SSBP3: variants seen among roughly 807,000 people sequenced by gnomAD.
SSBP3 encodes single stranded DNA binding protein 3.
SSBP3 carries 5 observed loss-of-function variants against 69.6 expected under a neutral mutation model. The ratio of observed to expected loss-of-function variants is 0.07; its 90% CI spans 0.04 to 0.15. The LOEUF is 0.15. Among genes scored for constraint, SSBP3 ranks in the 10% least tolerant of loss-of-function variants. The pLI, the probability that SSBP3 is intolerant of heterozygous loss-of-function variation, is 1.00. For synonymous variants in SSBP3, 196 were observed against 193.4 expected (o/e 1.01, Z -0.11); for missense variants, 312 against 534.0 (o/e 0.58, Z 4.10).
intron 4 of SSBP3, among the ~76,000 whole-genome samples, chr1:54,329,481 T>C (rs1646369226): frequency 6.6e-6 from 1 of 152,124 alleles, no homozygotes; most frequent in South Asian, 2.1e-4. Flanking sequence ...ACTGATTGTG[T>C]ACTGGGAGGA....
chr1:54,383,087 GC>G (rs1181650139), intron 4 of SSBP3, among the ~76,000 whole-genome samples: 3 of 151,424 alleles, frequency 2.0e-5, no homozygotes, highest in African/African-American at 7.3e-5. Context: ...AAAGAAAGAA[GC>G]CCCAGCTGGG....
intron 5 of SSBP3, among the ~76,000 whole-genome samples, chr1:54,280,929 G>A (rs1191858596): frequency 6.6e-6 from 1 of 152,152 alleles, no homozygotes; most frequent in Non-Finnish European, 1.5e-5. Flanking sequence ...AAAAAATCAA[G>A]TGGTTAACCA....
intron 4 of SSBP3, among the ~76,000 whole-genome samples, chr1:54,346,118 G>A (rs930702285): frequency 1.3e-5 from 2 of 151,672 alleles, no homozygotes; most frequent in African/African-American, 4.8e-5. Context: ...AGCTGAGATC[G>A]TGCCATTGCA....
intron 4 of SSBP3, among the ~76,000 whole-genome samples, chr1:54,281,744 T>G (rs1645396012): frequency 6.6e-6 from 1 of 152,116 alleles, no homozygotes; most frequent in African/African-American, 2.4e-5. Flanking sequence ...CTGGACTCAA[T>G]TCCCAGGTCC....
chr1:54,259,151 C>A (rs1644974612), intron 5 of SSBP3, among the ~76,000 whole-genome samples: 1 of 151,428 alleles, frequency 6.6e-6, no homozygotes, highest in South Asian at 2.1e-4. Flanking sequence ...CTGGGCTATG[C>A]TGACCTCGAC....
intron 4 of SSBP3, among the ~76,000 whole-genome samples, chr1:54,328,359 G>A (rs1391583465): frequency 6.6e-6 from 1 of 152,192 alleles, no homozygotes; most frequent in Non-Finnish European, 1.5e-5. Context: ...GTGACCAAAA[G>A]CTTCTGGTCA....
chr1:54,275,728 T>C (rs1263307320), intron 5 of SSBP3, among the ~76,000 whole-genome samples: 1 of 152,198 alleles, frequency 6.6e-6, no homozygotes, highest in African/African-American at 2.4e-5. Context: ...ATACAATGAT[T>C]CAAATTGGCT....
At chr1:54,234,364 AT>A (rs1241510495) in intron 14 of SSBP3, among the ~76,000 whole-genome samples, 2 of 151,316 alleles carry the variant, frequency 1.3e-5, no homozygotes, top group African/African-American at 4.8e-5. Context: ...ATTAAAAAAA[AT>A]AAATAAAAAT....
At chr1:54,374,386 T>C (rs1023477337) in intron 4 of SSBP3, among the ~76,000 whole-genome samples, 1 of 152,178 alleles carries the variant, frequency 6.6e-6, no homozygotes, top group African/African-American at 2.4e-5. Flanking sequence ...ACCTTTGTCA[T>C]TAATCTCTTC....
At chr1:54,230,409 T>G (rs1026401166) in intron 14 of SSBP3, among the ~76,000 whole-genome samples, 1 of 152,234 alleles carries the variant, frequency 6.6e-6, no homozygotes, top group Non-Finnish European at 1.5e-5. Context: ...TATGCACATG[T>G]ATGTCATTAC....
intron 4 of SSBP3, among the ~76,000 whole-genome samples, chr1:54,305,905 TATCTGC>T (rs1454208252): frequency 6.6e-6 from 1 of 150,462 alleles, no homozygotes; most frequent in Non-Finnish European, 1.5e-5. Context: ...CAGTCACTCT[TATCTGC>T]AAGCTGTTTC....
At chr1:54,243,408 G>T in intron 9 of SSBP3, 109 bp from the exon 10 acceptor site, 2 of 1,329,308 alleles carry the variant, frequency 1.5e-6, no homozygotes, top group Non-Finnish European at 2.2e-6. Flanking sequence ...CTGTGAAAAG[G>T]ATTGATGAGA....
rs946394599 is a variant in SSBP3, at chr1:54,315,828, AT to A, written c.277-34302del. On this transcript the variant is annotated intron_variant, in intron 4 of 17. Transcript: ENST00000610401. The stretch of plus-strand genomic sequence containing the variant: ...AGGCTCACGCTACTATGCCCAGCTG[AT>A]TTTTTTTTCTTTGGTAGAGACAGGG... 1.6e-3 allele frequency among the ~76,000 whole-genome samples: 248 copies of A among 150,952 alleles called. 1 individual carries two copies. Among genetic ancestry groups the A allele is most frequent in the African/African-American group, 5.4e-3 (221 of 41,142 alleles).
intron 4 of SSBP3, among the ~76,000 whole-genome samples, chr1:54,337,550 T>G (rs545285456): frequency 1.3e-3 from 171 of 128,416 alleles, no homozygotes; most frequent in African/African-American, 5.0e-3. Flanking sequence ...CAGGCTGGAG[T>G]GCAGTGGCAC....
chr1:54,271,791 A>T (rs538036335), intron 5 of SSBP3, among the ~76,000 whole-genome samples: 7 of 151,974 alleles, frequency 4.6e-5, no homozygotes, highest in African/African-American at 1.7e-4. Context: ...TTTTTTTGAG[A>T]TAGAGTCTTG....
intron 3 of SSBP3, 126 bp downstream of exon 3, chr1:54,404,449 GC>G (rs1290415620): frequency 8.7e-7 from 1 of 1,143,898 alleles, no homozygotes; most frequent in Admixed American, 1.9e-5. Context: ...GCCTCGAGGT[GC>G]CCCGCTCTGT....
intron 4 of SSBP3, among the ~76,000 whole-genome samples, chr1:54,294,788 G>A (rs1645675704): frequency 6.6e-6 from 1 of 152,130 alleles, no homozygotes; most frequent in Non-Finnish European, 1.5e-5. Flanking sequence ...TGCTCCACTG[G>A]CCCAGGGAGC....
At chr1:54,325,156 G>A (rs1305512182) in intron 4 of SSBP3, among the ~76,000 whole-genome samples, 1 of 152,166 alleles carries the variant, frequency 6.6e-6, no homozygotes, top group African/African-American at 2.4e-5. Flanking sequence ...TGGAGCAGCC[G>A]AGCATCTGGG....
intron 4 of SSBP3, among the ~76,000 whole-genome samples, chr1:54,333,890 T>A (rs1293978071): frequency 1.3e-5 from 2 of 150,324 alleles, no homozygotes; most frequent in African/African-American, 4.9e-5. Flanking sequence ...CAAAGCAAGA[T>A]CCTATCTATA....
Sources: gnomAD v4.1 joint callset for allele counts (sites outside exome capture counted in the v4.1 genomes callset) on GRCh38, gnomAD v4.1.1 for gene constraint, MANE v1.5 for transcripts, NCBI Gene and HGNC (gene_info 2026-07-23, HGNC 2026-07-21) for gene names.